CD1B: variants seen among roughly 807,000 people sequenced by gnomAD.
The protein encoded by CD1B is T-cell surface glycoprotein CD1b.
Under a neutral mutation model 39.8 loss-of-function variants are expected in CD1B, and 43 were observed. The ratio of observed to expected loss-of-function variants is 1.08; its 90% CI spans 0.85 to 1.39. The LOEUF (loss-of-function observed/expected upper bound fraction) is 1.39. Among genes scored for constraint, CD1B ranks in the 40% most tolerant of loss-of-function variants. The pLI is 0.00. For missense variants in CD1B, 495 were observed against 403.8 expected, an observed-to-expected ratio of 1.23 and a Z score of -1.94; for synonymous variants, 192 against 152.5, an observed-to-expected ratio of 1.26 and a Z score of -1.91.
chr1:158,310,390 A>G, the CD1B span, among the ~76,000 whole-genome samples: 3 of 152,184 alleles, frequency 2.0e-5, no homozygotes, highest in Non-Finnish European at 4.4e-5. Flanking sequence ...GTGAAATTCC[A>G]TTCTGGACAT....
chr1:158,309,552 T>C, the CD1B span, among the ~76,000 whole-genome samples: 1 of 152,132 alleles, frequency 6.6e-6, no homozygotes, highest in African/African-American at 2.4e-5. Flanking sequence ...TGAGGCACTA[T>C]TCACAATAGC....
chr1:158,329,821 T>C (rs1652512129), intron 3 of CD1B, 31 bp downstream of exon 3: 1 of 1,594,192 alleles, frequency 6.3e-7, no homozygotes, highest in Non-Finnish European at 8.5e-7. Context: ...TTAGAGGAGG[T>C]GGTGGGAAGT....
At chr1:158,291,133 G>A in the CD1B span, 2 of 1,602,182 alleles carry the variant, frequency 1.2e-6, no homozygotes, top group Non-Finnish European at 1.7e-6. Context: ...TCCACCAAAA[G>A]CATCCCAGGA....
the CD1B span, among the ~76,000 whole-genome samples, chr1:158,299,407 T>C: frequency 2.0e-5 from 3 of 152,196 alleles, no homozygotes; most frequent in Non-Finnish European, 2.9e-5. Context: ...TGCTGCTGGA[T>C]TTTGTTTGCC....
At chr1:158,302,667 C>T in the CD1B span, among the ~76,000 whole-genome samples, 8 of 152,178 alleles carry the variant, frequency 5.3e-5, no homozygotes, top group South Asian at 4.1e-4. Flanking sequence ...CCTCTATGCA[C>T]GTAAACTATG....
In CD1B at chr1:158,329,289, C is replaced by G. The variant is rs1440397907; in HGVS notation, c.886+81G>C. On this transcript the variant is annotated intron_variant, in intron 4 of 5. Coordinates refer to ENST00000368168, the MANE Select transcript of CD1B (RefSeq NM_001764.3). The stretch of plus-strand genomic sequence containing the variant: ...ATCTCTCCCTCTTTCATCTCTCAAG[C>G]TCTATCCTTCCCCAGTGCCTCCCTC... 4.0e-6 allele frequency: 6 copies of G among 1,509,656 alleles called. No homozygotes were observed. In the South Asian group the frequency reaches 7.5e-5, roughly 19 times the overall value. The allele number at this position is 1,509,656 out of a possible 1,614,324, so 93.5% of individuals were successfully genotyped here.
At chr1:158,304,625 T>C in the CD1B span, among the ~76,000 whole-genome samples, 2 of 152,144 alleles carry the variant, frequency 1.3e-5, no homozygotes, top group Non-Finnish European at 2.9e-5. Flanking sequence ...GATCTGAGAA[T>C]GGACAGAGTG....
At chr1:158,297,407 A>G in the CD1B span, among the ~76,000 whole-genome samples, 4 of 152,338 alleles carry the variant, frequency 2.6e-5, no homozygotes, top group East Asian at 7.7e-4. Context: ...GAAATTTATT[A>G]CCACCAGACC....
At chr1:158,310,038 T>C in the CD1B span, among the ~76,000 whole-genome samples, 1 of 151,168 alleles carries the variant, frequency 6.6e-6, no homozygotes, top group Non-Finnish European at 1.5e-5. Context: ...AGAACAAAGC[T>C]GGAAGCACCA....
chr1:158,292,166 C>A, the CD1B span: 2 of 1,614,002 alleles, frequency 1.2e-6, no homozygotes, highest in Non-Finnish European at 8.5e-7. Flanking sequence ...TAGCTTTCAA[C>A]GGATTAGATT....
At chr1:158,292,119 C>T in the CD1B span, 11 of 1,614,008 alleles carry the variant, frequency 6.8e-6, no homozygotes, top group South Asian at 3.3e-5. Context: ...GGGCTGTGAG[C>T]TGCATTCTGG....
the CD1B span, among the ~76,000 whole-genome samples, chr1:158,305,985 T>C: frequency 1.4e-4 from 21 of 152,230 alleles, no homozygotes; most frequent in African/African-American, 4.8e-4. Flanking sequence ...ACATGCCAAA[T>C]TGTAAAGACT....
the CD1B span, among the ~76,000 whole-genome samples, chr1:158,315,449 G>T: frequency 1.5e-3 from 221 of 151,286 alleles, no homozygotes; most frequent in African/African-American, 4.7e-3. Context: ...GCTGCATAAA[G>T]GTCTTCTTTT....
chr1:158,325,552 G>T (rs1051133721), downstream of CD1B, among the ~76,000 whole-genome samples: 2 of 152,028 alleles, frequency 1.3e-5, no homozygotes, highest in Non-Finnish European at 2.9e-5. Flanking sequence ...ATGTTTAATT[G>T]TAGAGAAGTT....
At chr1:158,292,577 CTT>C in the CD1B span, 1 of 1,607,696 alleles carries the variant, frequency 6.2e-7, no homozygotes, top group South Asian at 1.1e-5. Flanking sequence ...CATCAGAACA[CTT>C]TTTCTGCTCT....
rs1293331332 is a variant in CD1B, at chr1:158,329,523, G to A, written c.733C>T (p.Gln245Ter). The A allele has an allele frequency of 1.9e-6, 3 of 1,614,040 alleles. No individual in the cohort carries two copies. In the African/African-American group the frequency reaches 4.0e-5, roughly 22 times the overall value. Residue 245 changes from glutamine (Q) to a stop codon, truncating the protein, a stop_gained, in exon 4 of 6, where the codon CAG becomes TAG. Coordinates refer to ENST00000368168, the MANE Select transcript of CD1B (RefSeq NM_001764.3). LOFTEE classifies it high-confidence loss of function. ...ATGTCCCCTAGCTGAGTGCCCTGCT[G>A]CTCCTGCTCACCCCGCATCCACATC... is the stretch of plus-strand genomic sequence containing the variant. ...WVMWMRGEQE[Q>*]QGTQLGDILP...
the CD1B span, among the ~76,000 whole-genome samples, chr1:158,303,050 C>A: frequency 1.3e-5 from 2 of 152,056 alleles, no homozygotes; most frequent in Admixed American, 6.6e-5. Context: ...ATTAGCAAAG[C>A]AAATCCAGGA....
chr1:158,315,905 T>G, the CD1B span, among the ~76,000 whole-genome samples: 1 of 152,106 alleles, frequency 6.6e-6, no homozygotes, highest in Admixed American at 6.5e-5. Context: ...CACCATTTAT[T>G]AAATGGGGAA....
the CD1B span, among the ~76,000 whole-genome samples, chr1:158,319,747 TAG>T: frequency 6.6e-6 from 1 of 152,244 alleles, no homozygotes; most frequent in Admixed American, 6.5e-5. Flanking sequence ...CTCTGCTTTT[TAG>T]AGTTTCCAGT....
Sources: gnomAD v4.1 joint callset for allele counts (sites outside exome capture counted in the v4.1 genomes callset) on GRCh38, gnomAD v4.1.1 for gene constraint, MANE v1.5 for transcripts, NCBI Gene and HGNC (gene_info 2026-07-23, HGNC 2026-07-21) for gene names.